HSPA4: variants seen among roughly 807,000 people sequenced by gnomAD.
HSPA4 encodes heat shock 70 kDa protein 4.
In HSPA4, 25 loss-of-function variants were observed where a neutral mutation model predicts 106.2. That is an observed-to-expected ratio of 0.24 (90% CI 0.17 to 0.33). The LOEUF is 0.33. Ranked by LOEUF, HSPA4 falls within the 10% of genes least tolerant of loss-of-function variation. The pLI is 1.00. For missense variants in HSPA4, 841 were observed against 996.0 expected (o/e 0.84, Z 2.10); for synonymous variants, 332 against 333.6 (o/e 1.00, Z 0.05).
chr5:133,079,155 C>G (rs1323011587), intron 7 of HSPA4, among the ~76,000 whole-genome samples: 6 of 152,146 alleles, frequency 3.9e-5, no homozygotes, highest in Admixed American at 1.3e-4. Flanking sequence ...ATTCAAGTAT[C>G]ATAAAATTAA....
At chr5:133,073,522 A>G (rs956233024) in intron 5 of HSPA4, among the ~76,000 whole-genome samples, 193 bp downstream of exon 5, 2 of 152,184 alleles carry the variant, frequency 1.3e-5, no homozygotes, top group African/African-American at 2.4e-5. Flanking sequence ...GTGTACCTTT[A>G]TAGCATGCAT....
chr5:133,082,757 G>A (rs1184326344), intron 7 of HSPA4, among the ~76,000 whole-genome samples: 4 of 152,034 alleles, frequency 2.6e-5, no homozygotes, highest in Non-Finnish European at 4.4e-5. Flanking sequence ...CACCTCACCC[G>A]GACGGGAATT....
chr5:133,098,602 C>T lies in HSPA4; in HGVS notation c.1930-943C>T, dbSNP rs554254679. On this transcript the variant is annotated intron_variant, in intron 15 of 18. Coordinates refer to ENST00000304858, the MANE Select transcript of HSPA4 (RefSeq NM_002154.4). Reference sequence around the variant, plus strand: ...CCTCCCAGAGTGCTGGGATTACAGGCGTGAGTCACCGTGCCCGGTCTACCA... The same window carrying T: ...CCTCCCAGAGTGCTGGGATTACAGGTGTGAGTCACCGTGCCCGGTCTACCA... 4.6e-5 allele frequency among the ~76,000 whole-genome samples: 7 copies of T among 152,098 alleles called. No homozygotes were observed. The East Asian group carries it at 7.8e-4, about 17-fold the overall frequency.
chr5:133,091,332 T>G lies in HSPA4; in HGVS notation c.1518T>G (p.Asn506Lys), dbSNP rs886664446. 7.4e-6 allele frequency: 12 copies of G among 1,613,716 alleles called. No individual in the cohort carries two copies. In the African/African-American group the frequency reaches 9.4e-5, roughly 13 times the overall value. ...SLVEVHKSEE[N>K]EEPMETDQNA... Reference sequence around the variant, plus strand: ...TGGAGGTTCACAAGTCTGAGGAAAATGAGGAGCCAATGGAAACAGATCAGA... The same window carrying G: ...TGGAGGTTCACAAGTCTGAGGAAAAGGAGGAGCCAATGGAAACAGATCAGA... The change falls in exon 12 of 19, where the codon AAT (asparagine) becomes AAG (lysine). Residue 506 changes from asparagine to lysine, a missense_variant. Asn to Lys is a moderately conservative substitution (Grantham distance 94). Coordinates refer to ENST00000304858, the MANE Select transcript of HSPA4 (RefSeq NM_002154.4).
intron 7 of HSPA4, among the ~76,000 whole-genome samples, chr5:133,079,230 T>C (rs1373690290): frequency 6.6e-6 from 1 of 152,236 alleles, no homozygotes; most frequent in Non-Finnish European, 1.5e-5. Flanking sequence ...TGGCCACCTC[T>C]ATGTAATGGA....
At chr5:133,076,946 C>T (rs1765453332) in intron 7 of HSPA4, 48 bp downstream of exon 7, 1 of 1,457,504 alleles carries the variant, frequency 6.9e-7, no homozygotes, top group Non-Finnish European at 9.5e-7. Context: ...GAGTTTTCTC[C>T]ACATATATTA....
chr5:133,060,216 T>C (rs1765221864), intron 1 of HSPA4, among the ~76,000 whole-genome samples: 1 of 152,146 alleles, frequency 6.6e-6, no homozygotes, highest in Non-Finnish European at 1.5e-5. Flanking sequence ...TTTCTAATTT[T>C]CTACAGTAAA....
chr5:133,075,075 C>T (rs1288406537), intron 6 of HSPA4, among the ~76,000 whole-genome samples: 2 of 151,440 alleles, frequency 1.3e-5, no homozygotes, highest in African/African-American at 4.9e-5. Flanking sequence ...TTGTTATGGT[C>T]TTGTTTCTTT....
chr5:133,071,116 CT>C (rs1488332031), intron 4 of HSPA4, among the ~76,000 whole-genome samples: 9 of 151,858 alleles, frequency 5.9e-5, no homozygotes, highest in Admixed American at 3.9e-4. Context: ...TTGGATACCC[CT>C]AATTGTAAAT....
intron 5 of HSPA4, 151 bp downstream of exon 5, chr5:133,073,480 CT>C: frequency 1.6e-6 from 1 of 609,818 alleles, no homozygotes; most frequent in Admixed American, 3.0e-5. Context: ...TACTGTGTCA[CT>C]TGTGAAGAAT....
chr5:133,080,104 T>G (rs1765495162), intron 7 of HSPA4, among the ~76,000 whole-genome samples: 1 of 152,090 alleles, frequency 6.6e-6, no homozygotes, highest in South Asian at 2.1e-4. Flanking sequence ...GCCCAAATGT[T>G]TTTGATTTTT....
chr5:133,072,527 T>C (rs1765396649), intron 4 of HSPA4, among the ~76,000 whole-genome samples: 1 of 151,392 alleles, frequency 6.6e-6, no homozygotes, highest in Non-Finnish European at 1.5e-5. Flanking sequence ...TAGCTGGGAT[T>C]ACAGGCATGT....
At chr5:133,056,460 G>A (rs966009190) in intron 1 of HSPA4, among the ~76,000 whole-genome samples, 5 of 152,140 alleles carry the variant, frequency 3.3e-5, no homozygotes, top group Admixed American at 6.6e-5. Flanking sequence ...TTAGGTAGAC[G>A]TGGTTTCGCC....
intron 7 of HSPA4, among the ~76,000 whole-genome samples, chr5:133,084,162 A>G (rs1396853600): frequency 2.6e-5 from 4 of 152,190 alleles, no homozygotes; most frequent in Non-Finnish European, 5.9e-5. Flanking sequence ...AAGTTTGCCA[A>G]TTCTGTAACT....
chr5:133,078,801 T>C (rs1765479538), intron 7 of HSPA4, among the ~76,000 whole-genome samples: 1 of 152,178 alleles, frequency 6.6e-6, no homozygotes, highest in Non-Finnish European at 1.5e-5. Context: ...TGGTGTGATC[T>C]TGGCTCACTG....
Position 133,074,080 on chromosome 5 carries a change from C to T in HSPA4, c.617C>T (p.Ser206Phe). The change falls in exon 6 of 19, where the codon TCT becomes TTT. Residue 206 changes from serine to phenylalanine, a missense_variant. Around this residue, in one of 5 missense-constraint regions of HSPA4, gnomAD observed 347 missense variants for 408.7 expected, o/e 0.85. Coordinates refer to ENST00000304858, the MANE Select transcript of HSPA4 (RefSeq NM_002154.4). ...RNVVFVDMGH[S>F]AYQVSVCAFN... ...GTAGTTTTTGTAGACATGGGCCACT[C>T]TGCTTATCAAGTTTCTGTATGTGCA... is the stretch of plus-strand genomic sequence containing the variant. 1 of 1,606,114 alleles carries T rather than the reference C, an allele frequency of 6.2e-7. No homozygotes were observed. The highest frequency in any genetic ancestry group is 8.5e-7 in the Non-Finnish European group (1 of 1,176,168).
chr5:133,082,714 G>C (rs1466829409), intron 7 of HSPA4, among the ~76,000 whole-genome samples: 2 of 152,120 alleles, frequency 1.3e-5, no homozygotes, highest in Non-Finnish European at 2.9e-5. Flanking sequence ...ACCCTCCTCA[G>C]ACTCCCAAAG....
chr5:133,075,079 T>C (rs544148702), intron 6 of HSPA4, among the ~76,000 whole-genome samples: 209 of 152,332 alleles, frequency 1.4e-3, no homozygotes, highest in African/African-American at 4.7e-3. Context: ...TATGGTCTTG[T>C]TTCTTTGAAA....
At chr5:133,078,527 TGGGA>T (rs1374433235) in intron 7 of HSPA4, among the ~76,000 whole-genome samples, 1 of 140,988 alleles carries the variant, frequency 7.1e-6, no homozygotes, top group African/African-American at 2.7e-5. Context: ...CCCAGCTACT[TGGGA>T]GGCTGAGGCA....
Sources: gnomAD v4.1 joint callset for allele counts (sites outside exome capture counted in the v4.1 genomes callset) on GRCh38, gnomAD v4.1.1 for gene constraint, gnomAD v4.1.1 regional missense constraint, MANE v1.5 for transcripts, NCBI Gene and HGNC (gene_info 2026-07-23, HGNC 2026-07-21) for gene names.